PRKCA: variants seen among roughly 807,000 people sequenced by gnomAD.
PRKCA encodes protein kinase C alpha, also known as protein kinase C alpha type.
PRKCA carries 27 observed loss-of-function variants against 87.0 expected under a neutral mutation model. The ratio of observed to expected loss-of-function variants is 0.31; its 90% confidence interval spans 0.23 to 0.43. The LOEUF (loss-of-function observed/expected upper bound fraction) is 0.43. PRKCA is among the 20% of genes least tolerant of loss of function. The pLI, the probability that PRKCA is intolerant of heterozygous loss-of-function variation, is 1.00. For missense variants in PRKCA, 518 were observed against 852.3 expected, an observed-to-expected ratio of 0.61 and a Z score of 4.88; for synonymous variants, 329 against 311.1, an observed-to-expected ratio of 1.06 and a Z score of -0.61.
chr17:66,758,761 G>A (rs1974613757), intron 13 of PRKCA, among the ~76,000 whole-genome samples: 1 of 152,078 alleles, frequency 6.6e-6, no homozygotes, highest in Non-Finnish European at 1.5e-5. Context: ...GCAGTTCCTT[G>A]GGTTCCATAT....
At chr17:66,657,202 T>C (rs1971758745) in intron 5 of PRKCA, among the ~76,000 whole-genome samples, 1 of 152,232 alleles carries the variant, frequency 6.6e-6, no homozygotes, top group Non-Finnish European at 1.5e-5. Flanking sequence ...GGACTTTTTA[T>C]ACTGAGAATG....
intron 3 of PRKCA, among the ~76,000 whole-genome samples, chr17:66,538,980 C>A (rs1429844385): frequency 6.6e-6 from 1 of 152,182 alleles, no homozygotes; most frequent in African/African-American, 2.4e-5. Context: ...GTTATGCTGC[C>A]AGACTTTTAT....
intron 3 of PRKCA, among the ~76,000 whole-genome samples, chr17:66,557,682 G>T (rs1247278653): frequency 1.3e-5 from 2 of 152,118 alleles, no homozygotes; most frequent in Admixed American, 6.5e-5. Context: ...CTTTATAGTA[G>T]AGCCCACAAA....
intron 5 of PRKCA, 152 bp downstream of exon 5, chr17:66,645,663 C>T: frequency 1.3e-5 from 15 of 1,164,090 alleles, no homozygotes; most frequent in Non-Finnish European, 1.8e-5. Flanking sequence ...CAGAGCCCTC[C>T]AGCCCTCTGA....
intron 2 of PRKCA, among the ~76,000 whole-genome samples, chr17:66,391,795 A>G (rs2143640089): frequency 1.3e-5 from 2 of 152,172 alleles, no homozygotes; most frequent in African/African-American, 4.8e-5. Flanking sequence ...AACTCGGCAC[A>G]CCCACTCTGT....
intron 3 of PRKCA, chr17:66,640,837 AT>A: frequency 2.5e-6 from 1 of 398,982 alleles, no homozygotes; most frequent in South Asian, 1.8e-5. Flanking sequence ...CACCCCATAA[AT>A]AGAGGAAACA....
chr17:66,529,389 A>G (rs918683302), intron 3 of PRKCA, among the ~76,000 whole-genome samples: 13 of 152,108 alleles, frequency 8.5e-5, no homozygotes, highest in African/African-American at 2.9e-4. Flanking sequence ...TACCTCCAGC[A>G]CTGCAGGGCC....
chr17:66,704,271 G>C (rs1470962113), intron 8 of PRKCA, among the ~76,000 whole-genome samples: 2 of 151,626 alleles, frequency 1.3e-5, no homozygotes, highest in African/African-American at 2.4e-5. Context: ...ATCATCTTCT[G>C]TCCCATAAAT....
intron 8 of PRKCA, chr17:66,703,215 C>G (rs1973104358): frequency 6.6e-6 from 1 of 152,138 alleles, no homozygotes; most frequent in Non-Finnish European, 1.5e-5. Flanking sequence ...ACACTTAAAA[C>G]ACAAATACAT....
intron 2 of PRKCA, among the ~76,000 whole-genome samples, chr17:66,393,408 G>GACAC (rs58658273): frequency 0.043 from 6,598 of 151,706 alleles, 320 homozygotes; most frequent in African/African-American, 0.12. Flanking sequence ...GCTTCTCCCG[G>GACAC]ACACACACAC....
chr17:66,774,138 T>A, intron 14 of PRKCA, 71 bp downstream of exon 14: 1 of 1,611,010 alleles, frequency 6.2e-7, no homozygotes, highest in Non-Finnish European at 8.5e-7. Flanking sequence ...TGGTTGGGCC[T>A]CGAGAGCAAG....
At chr17:66,387,658 C>G (rs1182398976) in intron 2 of PRKCA, among the ~76,000 whole-genome samples, 1 of 152,218 alleles carries the variant, frequency 6.6e-6, no homozygotes, top group Non-Finnish European at 1.5e-5. Flanking sequence ...TGTAATCATC[C>G]TCTGTGTGTC....
At chr17:66,675,340 C>T (rs1445674507) in intron 5 of PRKCA, among the ~76,000 whole-genome samples, 1 of 152,184 alleles carries the variant, frequency 6.6e-6, no homozygotes, top group Non-Finnish European at 1.5e-5. Context: ...GGCCCCTCCT[C>T]TTAATGTCAT....
intron 2 of PRKCA, among the ~76,000 whole-genome samples, chr17:66,358,328 G>A (rs1393394686): frequency 1.3e-5 from 2 of 152,188 alleles, no homozygotes; most frequent in East Asian, 3.9e-4. Flanking sequence ...TCATTCTTGG[G>A]TACCAGATAA....
chr17:66,672,351 A>G (rs1396468000), intron 5 of PRKCA, among the ~76,000 whole-genome samples: 4 of 152,224 alleles, frequency 2.6e-5, no homozygotes, highest in African/African-American at 4.8e-5. Flanking sequence ...AACCATGGAA[A>G]AAAAATTTAA....
intron 3 of PRKCA, among the ~76,000 whole-genome samples, chr17:66,498,714 C>T (rs921575001): frequency 2.0e-5 from 3 of 152,164 alleles, no homozygotes; most frequent in South Asian, 2.1e-4. Context: ...CTGAGCTTGA[C>T]GAATGGGTAG....
chr17:66,790,505 T>C (rs1478522902), intron 16 of PRKCA, among the ~76,000 whole-genome samples: 1 of 152,160 alleles, frequency 6.6e-6, no homozygotes, highest in African/African-American at 2.4e-5. Context: ...GCAAGTGGTC[T>C]CAGTAGAAAA....
At chr17:66,780,881 G>A (rs1975191376) in intron 14 of PRKCA, among the ~76,000 whole-genome samples, 1 of 152,158 alleles carries the variant, frequency 6.6e-6, no homozygotes, top group Non-Finnish European at 1.5e-5. Flanking sequence ...GCCAAGGCGG[G>A]CAGATCACTT....
At chr17:66,320,734 A>G (rs2143210501) in intron 2 of PRKCA, among the ~76,000 whole-genome samples, 1 of 152,336 alleles carries the variant, frequency 6.6e-6, no homozygotes, top group Non-Finnish European at 1.5e-5. Context: ...TTCTGGTGTT[A>G]CTTAGTCTGC....
Sources: allele counts gnomAD v4.1 joint callset (sites outside exome capture counted in the v4.1 genomes callset), GRCh38; gene constraint gnomAD v4.1.1; transcripts MANE v1.5; gene names NCBI Gene and HGNC (gene_info 2026-07-23, HGNC 2026-07-21).